The following NF1 variants were observed in gnomAD, a reference collection of about 807,000 sequenced individuals.
NF1 encodes neurofibromin 1.
NF1 carries 122 observed loss-of-function variants against 325.7 expected under a neutral mutation model. The observed-to-expected ratio is 0.37, with a 90% CI of 0.32 to 0.44. The LOEUF (loss-of-function observed/expected upper bound fraction) is 0.44, where lower values mean the gene tolerates loss of function less well. Ranked by LOEUF, NF1 falls within the 20% of genes least tolerant of loss-of-function variation. NF1 has a pLI of 1.00. For missense variants in NF1, 2,140 were observed against 3,415.4 expected, an observed-to-expected ratio of 0.63 and a Z score of 9.31; for synonymous variants, 1,091 against 1,186.0, an observed-to-expected ratio of 0.92 and a Z score of 1.65.
intron 6 of NF1, 105 bp from the exon 7 acceptor site, chr17:31,181,605 A>C (rs2066134947): frequency 1.6e-6 from 2 of 1,290,270 alleles, no homozygotes; most frequent in Non-Finnish European, 2.3e-6. Context: ...CATTTTCAGG[A>C]AGAATACATT....
intron 35 of NF1, among the ~76,000 whole-genome samples, chr17:31,263,071 ATAGATAGG>A (rs1378592054): frequency 2.9e-4 from 39 of 136,278 alleles, no homozygotes; most frequent in Admixed American, 1.6e-3. Context: ...AGGTAGGTAG[ATAGATAGG>A]TAGGTAGGTA....
chr17:31,150,818 G>C (rs199545707), intron 1 of NF1, among the ~76,000 whole-genome samples: 5 of 152,020 alleles, frequency 3.3e-5, no homozygotes, highest in Non-Finnish European at 4.4e-5. Context: ...GATTACCTGA[G>C]GTCAGGAGTT....
intron 1 of NF1, among the ~76,000 whole-genome samples, chr17:31,127,985 T>G (rs1417956021): frequency 6.6e-6 from 1 of 152,106 alleles, no homozygotes; most frequent in African/African-American, 2.4e-5. Context: ...TTTGGTTTTG[T>G]TTTTGGAATG....
chr17:31,178,138 A>C (rs1448314096), intron 5 of NF1, among the ~76,000 whole-genome samples: 1 of 152,218 alleles, frequency 6.6e-6, no homozygotes, highest in Non-Finnish European at 1.5e-5. Flanking sequence ...GTTACCCACA[A>C]AGGGAAGCCC....
intron 36 of NF1, chr17:31,319,010 G>A (rs373310906): frequency 8.8e-6 from 14 of 1,597,590 alleles, no homozygotes; most frequent in South Asian, 1.1e-5. Context: ...ATGTCCGTGG[G>A]CATGCTTGGC....
At position 31,304,931 on chromosome 17, in the gene NF1, A is replaced by T. The variant is rs553993530; in HGVS notation, c.4836-20889A>T. 6.0e-5 allele frequency: 97 copies of T among 1,614,144 alleles called. No individual in the cohort carries two copies. In the East Asian group the frequency reaches 2.0e-3, roughly 33 times the overall value. On this transcript the variant is annotated intron_variant, in intron 36 of 57. Transcript: ENST00000358273. ...TCATTTAAAACTGGTTTCCTTAAGC[A>T]TTTCCAAAGTACAATGATGATTATA...
Position 31,232,846 on chromosome 17 carries a change from A to C in NF1, c.3461A>C (p.Asn1154Thr), listed in dbSNP as rs371544233. The change falls in exon 26 of 58, where the codon AAT becomes ACT. Residue 1154 changes from asparagine (N) to threonine (T), a missense_variant. By Grantham distance (65) the Asn-to-Thr change is moderately conservative (BLOSUM62 0). Transcript: ENST00000358273. ...GTCCTTGCAATGTCAAACTTACTCA[A>C]TGCCAACGTAGACAGTGGTCTCATG... ...CTVLAMSNLL[N>T]ANVDSGLMHS... is the part of the protein sequence containing the mutation. 1 of 1,614,138 alleles carries C rather than the reference A, an allele frequency of 6.2e-7. No individual in the cohort carries two copies. The highest frequency in any genetic ancestry group is 2.2e-5 in the East Asian group (1 of 44,886).
rs775711045 is a variant in NF1 at position 31,295,013 on chromosome 17, A to C, written c.4835+29674A>C. 6.2e-6 allele frequency: 10 copies of C among 1,613,998 alleles called. No homozygotes were observed. The highest frequency in any genetic ancestry group is 5.5e-5 in the South Asian group (5 of 91,082). Reference sequence around the variant, plus strand: ...AGTTTCAGAAAATGCAGACCCTCAGACAGCCAGCATGACCACAACATTGAG... The same window carrying C: ...AGTTTCAGAAAATGCAGACCCTCAGCCAGCCAGCATGACCACAACATTGAG... On this transcript the variant is annotated intron_variant, in intron 36 of 57. Coordinates refer to ENST00000358273, the MANE Select transcript of NF1 (RefSeq NM_001042492.3).
In NF1 at chr17:31,232,851, A is replaced by G. The variant is rs2067138110; in HGVS notation, c.3466A>G (p.Asn1156Asp). 6.2e-7 allele frequency: 1 copy of G among 1,614,168 alleles called. No individual in the cohort carries two copies. The highest frequency in any genetic ancestry group is 8.5e-7 in the Non-Finnish European group (1 of 1,180,008). The change falls in exon 26 of 58, where the codon AAC (asparagine) becomes GAC (aspartate). Residue 1156 changes from asparagine to aspartate, a missense_variant. By Grantham distance (23) the Asn-to-Asp change is conservative. Transcript: ENST00000358273. ...TGCAATGTCAAACTTACTCAATGCC[A>G]ACGTAGACAGTGGTCTCATGCACTC... ...VLAMSNLLNA[N>D]VDSGLMHSIG... is the part of the protein sequence containing the mutation.
At chr17:31,349,396 T>C in intron 49 of NF1, 145 bp downstream of exon 49, 1 of 767,722 alleles carries the variant, frequency 1.3e-6, no homozygotes. Context: ...GGTTACAATT[T>C]TGAGAGTTTT....
chr17:31,282,893 G>A (rs1310996357), intron 36 of NF1, among the ~76,000 whole-genome samples: 5 of 152,156 alleles, frequency 3.3e-5, no homozygotes, highest in African/African-American at 1.2e-4. Context: ...GTGAATGAGA[G>A]TTTGAATTTC....
intron 36 of NF1, among the ~76,000 whole-genome samples, chr17:31,283,431 A>G (rs2068162937): frequency 6.6e-6 from 1 of 151,112 alleles, no homozygotes; most frequent in South Asian, 2.1e-4. Flanking sequence ...AAACAAACAA[A>G]AAAAAACACT....
chr17:31,340,294 G>T, intron 46 of NF1: 1 of 594,324 alleles, frequency 1.7e-6, no homozygotes, highest in Non-Finnish European at 2.9e-6. Context: ...GAAGTCAAAG[G>T]AGGTGCTAAG....
At chr17:31,146,793 G>A (rs1916616627) in intron 1 of NF1, among the ~76,000 whole-genome samples, 1 of 152,190 alleles carries the variant, frequency 6.6e-6, no homozygotes, top group Non-Finnish European at 1.5e-5. Flanking sequence ...CCAGAATTGC[G>A]GTGGCTGATG....
At chr17:31,343,460 G>A (rs1009506291) in intron 48 of NF1, among the ~76,000 whole-genome samples, 7 of 152,188 alleles carry the variant, frequency 4.6e-5, no homozygotes, top group Middle Eastern at 3.4e-3. Flanking sequence ...TGGAAGGATT[G>A]CTTGAGCCTG....
chr17:31,253,738 T>C (rs2067532171), intron 31 of NF1: 2 of 152,226 alleles, frequency 1.3e-5, no homozygotes, highest in African/African-American at 4.8e-5. Flanking sequence ...GTCGTAATTA[T>C]TTTCTTCCAG....
intron 36 of NF1, among the ~76,000 whole-genome samples, chr17:31,307,157 G>A (rs184090688): frequency 1.2e-3 from 182 of 152,172 alleles, no homozygotes; most frequent in African/African-American, 4.1e-3. Context: ...AAGTAGCTGG[G>A]ATTACAGGTA....
intron 5 of NF1, among the ~76,000 whole-genome samples, chr17:31,178,504 A>G (rs577712926): frequency 6.6e-6 from 1 of 152,356 alleles, no homozygotes; most frequent in South Asian, 2.1e-4. Context: ...ACAAATTCAC[A>G]CATAACACTA....
rs1482085668 is a variant in NF1, at chr17:31,233,199, C to T, written c.3694C>T (p.Pro1232Ser). ...AGCGATGGCTCTGGCCAATGTGGTT[C>T]CTTGTTCTCAGTGGGTAAGTGATTA... ...PIAMALANVV[P>S]CSQWDELARV... The change falls in exon 27 of 58, where the codon CCT (proline) becomes TCT (serine). Residue 1232 changes from proline to serine, a missense_variant. Physicochemically the swap from Pro to Ser is moderately conservative, Grantham distance 74. This residue lies in a region of NF1 where 336 missense variants were observed against 399.0 expected (regional missense o/e 0.84). Transcript: ENST00000358273. 5.0e-6 allele frequency: 8 copies of T among 1,613,902 alleles called. No individual in the cohort carries two copies. The highest frequency in any genetic ancestry group is 6.8e-6 in the Non-Finnish European group (8 of 1,179,980).
Sources: gnomAD v4.1 joint callset for allele counts (sites outside exome capture counted in the v4.1 genomes callset) on GRCh38, gnomAD v4.1.1 for gene constraint, gnomAD v4.1.1 regional missense constraint, MANE v1.5 for transcripts, NCBI Gene and HGNC (gene_info 2026-07-23, HGNC 2026-07-21) for gene names.